Variants in BST1 observed in about 807,000 individuals in gnomAD.
BST1 encodes the protein ADP-ribosyl cyclase/cyclic ADP-ribose hydrolase 2.
In BST1, 49 loss-of-function variants were observed where a neutral mutation model predicts 40.6. That is an observed-to-expected ratio of 1.21 (90% CI 0.96 to 1.53). The LOEUF (loss-of-function observed/expected upper bound fraction) is 1.53, where lower values mean the gene tolerates loss of function less well. BST1 is among the 40% of genes most tolerant of loss of function. The pLI is 0.00. For synonymous variants in BST1, 157 were observed against 159.3 expected (o/e 0.99, Z 0.11); for missense variants, 423 against 395.9 (o/e 1.07, Z -0.58).
the BST1 span, among the ~76,000 whole-genome samples, chr4:15,771,836 T>C: frequency 1.3e-5 from 2 of 152,344 alleles, no homozygotes; most frequent in East Asian, 3.9e-4. Flanking sequence ...TATACAGGTC[T>C]AGTTAAGTAA....
downstream of BST1, chr4:15,737,735 T>C (rs1038651626): frequency 1.6e-6 from 2 of 1,252,100 alleles, no homozygotes; most frequent in Non-Finnish European, 2.1e-6. Context: ...CTTGGCTGTA[T>C]TCCCTCTAGC....
chr4:15,704,870 G>A (rs1719789213), intron 1 of BST1: 1 of 707,104 alleles, frequency 1.4e-6, no homozygotes, highest in African/African-American at 2.2e-5. Context: ...CTTTTCTTAT[G>A]TTTGTGATGT....
the BST1 span, among the ~76,000 whole-genome samples, chr4:15,750,046 G>A: frequency 3.3e-5 from 5 of 150,880 alleles, no homozygotes; most frequent in Admixed American, 1.3e-4. Flanking sequence ...CATGAGTTCA[G>A]ATGGTTTGAT....
intron 3 of BST1, among the ~76,000 whole-genome samples, chr4:15,709,581 A>G (rs1720073602): frequency 6.6e-6 from 1 of 152,160 alleles, no homozygotes; most frequent in Non-Finnish European, 1.5e-5. Flanking sequence ...CACATAAAGA[A>G]AGGGAGAGCC....
intron 3 of BST1, among the ~76,000 whole-genome samples, chr4:15,710,580 C>G (rs73121376): frequency 0.029 from 4,411 of 152,190 alleles, 205 homozygotes; most frequent in East Asian, 0.23. Flanking sequence ...TTCCCATCTC[C>G]CTTATCCATT....
At chr4:15,750,362 T>A in the BST1 span, among the ~76,000 whole-genome samples, 2 of 152,188 alleles carry the variant, frequency 1.3e-5, no homozygotes, top group Non-Finnish European at 2.9e-5. Context: ...AGTGTGAACA[T>A]GTGATGTATG....
intron 8 of BST1, among the ~76,000 whole-genome samples, chr4:15,723,971 T>A (rs1352709377): frequency 6.6e-6 from 1 of 152,204 alleles, no homozygotes; most frequent in African/African-American, 2.4e-5. Context: ...GCAGGAAGAT[T>A]TCTGATCCCT....
At chr4:15,703,577 C>T (rs552439912) in intron 1 of BST1, among the ~76,000 whole-genome samples, 22 of 142,716 alleles carry the variant, frequency 1.5e-4, no homozygotes, top group South Asian at 4.6e-4. Flanking sequence ...TGTGTGTGCG[C>T]GCACACACAC....
the BST1 span, among the ~76,000 whole-genome samples, chr4:15,751,730 T>G: frequency 1.3e-5 from 2 of 151,984 alleles, no homozygotes; most frequent in Non-Finnish European, 2.9e-5. Context: ...ACATATAGTA[T>G]GCACACATCT....
chr4:15,735,146 C>T (rs896689829), downstream of BST1, among the ~76,000 whole-genome samples: 2 of 152,166 alleles, frequency 1.3e-5, no homozygotes, highest in Non-Finnish European at 2.9e-5. Context: ...TTCCTTCCTG[C>T]CCTGTCTCCC....
At position 15,705,688 on chromosome 4, in the gene BST1, A is replaced by G. The variant is rs199988772; in HGVS notation, c.315+47A>G. On this transcript the variant is annotated intron_variant, in intron 2 of 8. Coordinates refer to ENST00000265016, the MANE Select transcript of BST1 (RefSeq NM_004334.3). Reference sequence around the variant, plus strand: ...GTAAAACTGTGTTCTCTGTCTCTACAGAAATGGATGGTGCATGGGCCAGGT... The same window carrying G: ...GTAAAACTGTGTTCTCTGTCTCTACGGAAATGGATGGTGCATGGGCCAGGT... The G allele has an allele frequency of 1.4e-5, 22 of 1,605,730 alleles. No homozygotes were observed. The African/African-American group carries it at 2.7e-4, about 20-fold the overall frequency.
downstream of BST1, among the ~76,000 whole-genome samples, chr4:15,739,583 GTGTGTGTGTGTA>G (rs1366425046): frequency 1.5e-3 from 224 of 144,806 alleles, 1 homozygote; most frequent in African/African-American, 5.3e-3. Context: ...GTGTGTGTGT[GTGTGTGTGTGTA>G]TTTCTCCCCT....
the BST1 span, among the ~76,000 whole-genome samples, chr4:15,762,188 CAAAAAAAAAAAA>C: frequency 0.011 from 673 of 61,282 alleles, 11 homozygotes; most frequent in African/African-American, 0.038. Flanking sequence ...GACTCCATCT[CAAAAAAAAAAAA>C]AAAAAAAAAA....
the BST1 span, among the ~76,000 whole-genome samples, chr4:15,769,665 T>C: frequency 6.6e-6 from 1 of 152,002 alleles, no homozygotes; most frequent in African/African-American, 2.4e-5. Context: ...AATTTCTCTC[T>C]CTCTATATAT....
At chr4:15,762,151 T>C in the BST1 span, among the ~76,000 whole-genome samples, 1 of 125,698 alleles carries the variant, frequency 8.0e-6, no homozygotes, top group Non-Finnish European at 1.5e-5. Context: ...ATCGCGCCAC[T>C]GCACTCCAGC....
the BST1 span, among the ~76,000 whole-genome samples, chr4:15,757,021 A>G: frequency 6.6e-6 from 1 of 151,730 alleles, no homozygotes; most frequent in East Asian, 1.9e-4. Flanking sequence ...CTATATTAGT[A>G]AAACCATCTG....
In BST1 at chr4:15,703,268, C is replaced by G; in HGVS notation, c.124C>G (p.His42Asp). 3.2e-6 allele frequency: 5 copies of G among 1,539,096 alleles called. No homozygotes were observed. The highest frequency in any genetic ancestry group is 4.4e-6 in the Non-Finnish European group (5 of 1,146,946). ...ARWRGEGTSA[H>D]LRDIFLGRCA... ...GTGGCGCGGGGAGGGCACCAGCGCA[C>G]ACTTGCGGGACATCTTCCTGGGCCG... The change falls in exon 1 of 9, where the codon CAC becomes GAC. Residue 42 changes from histidine (H) to aspartate (D), a missense_variant. Coordinates refer to ENST00000265016, the MANE Select transcript of BST1 (RefSeq NM_004334.3).
chr4:15,725,763 T>C (rs1721060748), intron 8 of BST1, among the ~76,000 whole-genome samples: 1 of 152,162 alleles, frequency 6.6e-6, no homozygotes, highest in South Asian at 2.1e-4. Context: ...GTTAGTCAGA[T>C]GATCTGAAAT....
chr4:15,733,723 G>C (rs572494061), downstream of BST1, among the ~76,000 whole-genome samples: 1 of 152,180 alleles, frequency 6.6e-6, no homozygotes, highest in Non-Finnish European at 1.5e-5. Context: ...ACCAGATCTC[G>C]TGAGAACTCT....
Sources: gnomAD v4.1 joint callset for allele counts (sites outside exome capture counted in the v4.1 genomes callset) on GRCh38, gnomAD v4.1.1 for gene constraint, MANE v1.5 for transcripts, NCBI Gene and HGNC (gene_info 2026-07-23, HGNC 2026-07-21) for gene names.